Variants in EBF1 observed in about 807,000 individuals in gnomAD.
The protein encoded by EBF1 is EBF transcription factor 1.
Under a neutral mutation model 68.4 loss-of-function variants are expected in EBF1, and 10 were observed. The ratio of observed to expected loss-of-function variants is 0.15; its 90% confidence interval spans 0.09 to 0.25. The LOEUF (loss-of-function observed/expected upper bound fraction) is 0.25, where lower values mean the gene tolerates loss of function less well. EBF1 is among the 10% of genes least tolerant of loss of function. The pLI, the probability that EBF1 is intolerant of heterozygous loss-of-function variation, is 1.00. For synonymous variants in EBF1, 298 were observed against 299.8 expected, an observed-to-expected ratio of 0.99 and a Z score of 0.06; for missense variants, 509 against 794.4, an observed-to-expected ratio of 0.64 and a Z score of 4.32.
chr5:158,967,845 T>C lies in EBF1; in HGVS notation c.554+105551A>G, dbSNP rs551205713. 1.3e-3 allele frequency among the ~76,000 whole-genome samples: 203 copies of C among 152,310 alleles called. 2 individuals carry two copies. The highest frequency in any genetic ancestry group is 4.6e-3 in the African/African-American group (193 of 41,566). On this transcript the variant is annotated intron_variant, in intron 6 of 15. Transcript: ENST00000313708. ...CCTAGGGCAATGATTCAGCCAAAAC[T>C]ACAAAAGGGCTGAAATTTCCCAAAC...
chr5:159,066,966 G>T (rs1391363318), intron 6 of EBF1, among the ~76,000 whole-genome samples: 1 of 152,132 alleles, frequency 6.6e-6, no homozygotes, highest in African/African-American at 2.4e-5. Flanking sequence ...AGAATTAGTG[G>T]TCGATTTCAG....
At chr5:159,054,554 G>C (rs1774406014) in intron 6 of EBF1, among the ~76,000 whole-genome samples, 1 of 152,022 alleles carries the variant, frequency 6.6e-6, no homozygotes, top group Non-Finnish European at 1.5e-5. Flanking sequence ...AATATATACT[G>C]TATTGTCACT....
At chr5:158,888,275 CGTGT>C (rs1047605147) in intron 6 of EBF1, among the ~76,000 whole-genome samples, 10 of 151,328 alleles carry the variant, frequency 6.6e-5, no homozygotes, top group Admixed American at 2.6e-4. Context: ...TGTGTGCGTG[CGTGT>C]GTGTGTGTTT....
chr5:158,954,631 T>C (rs1309722114), intron 6 of EBF1, among the ~76,000 whole-genome samples: 1 of 152,186 alleles, frequency 6.6e-6, no homozygotes, highest in Non-Finnish European at 1.5e-5. Flanking sequence ...AACCTTAACC[T>C]TTCTGTCAAC....
chr5:158,716,376 C>G (rs1396934426), intron 11 of EBF1, among the ~76,000 whole-genome samples: 1 of 152,120 alleles, frequency 6.6e-6, no homozygotes, highest in African/African-American at 2.4e-5. Context: ...ATGCTGCCTT[C>G]TTTGATCCAC....
At chr5:158,711,728 C>G (rs1340112480) in intron 14 of EBF1, among the ~76,000 whole-genome samples, 1 of 151,756 alleles carries the variant, frequency 6.6e-6, no homozygotes, top group African/African-American at 2.4e-5. Context: ...CACTGGAGTG[C>G]AGTGGCACAA....
At chr5:158,828,441 T>G (rs1011768137) in intron 7 of EBF1, among the ~76,000 whole-genome samples, 1 of 151,884 alleles carries the variant, frequency 6.6e-6, no homozygotes, top group African/African-American at 2.4e-5. Context: ...AGAAGGTGAG[T>G]ATGATTACTA....
intron 6 of EBF1, among the ~76,000 whole-genome samples, chr5:158,988,397 G>A (rs1387744047): frequency 6.6e-6 from 1 of 152,134 alleles, no homozygotes; most frequent in Admixed American, 6.5e-5. Context: ...AGGAGTCCAG[G>A]CCTCTGCCAG....
At chr5:158,896,885 C>T (rs1802282867) in intron 6 of EBF1, among the ~76,000 whole-genome samples, 1 of 152,140 alleles carries the variant, frequency 6.6e-6, no homozygotes, top group Admixed American at 6.6e-5. Flanking sequence ...TGCCCACCCA[C>T]CTATCCTATC....
intron 10 of EBF1, among the ~76,000 whole-genome samples, chr5:158,775,250 G>T (rs1173430695): frequency 1.3e-5 from 2 of 151,678 alleles, no homozygotes; most frequent in Non-Finnish European, 2.9e-5. Context: ...AATAATGATG[G>T]ATCCCTAGCT....
At chr5:159,074,807 T>C (rs1561953230) in intron 5 of EBF1, among the ~76,000 whole-genome samples, 1 of 152,326 alleles carries the variant, frequency 6.6e-6, no homozygotes, top group Non-Finnish European at 1.5e-5. Context: ...GTCTACCTTA[T>C]AGCCTTTCAC....
chr5:158,921,718 G>A (rs1419472135), intron 6 of EBF1, among the ~76,000 whole-genome samples: 4 of 152,134 alleles, frequency 2.6e-5, no homozygotes, highest in African/African-American at 7.2e-5. Flanking sequence ...GCGGTTTGTG[G>A]TTGCTTATTT....
chr5:158,714,205 A>G lies in EBF1; in HGVS notation c.1126-23T>C. The G allele has an allele frequency of 1.9e-6, 3 of 1,613,900 alleles. No homozygotes were observed. In the South Asian group the frequency reaches 3.3e-5, roughly 18 times the overall value. ...TTCCTGTCAAGAGAAAAGCAGATAC[A>G]ATCCTTTGAGTGAAGGCAGGTTGTC... On this transcript the variant is annotated intron_variant, in intron 11 of 15. Transcript: ENST00000313708.
At chr5:158,966,086 T>C (rs1754049461) in intron 6 of EBF1, among the ~76,000 whole-genome samples, 1 of 152,220 alleles carries the variant, frequency 6.6e-6, no homozygotes, top group Non-Finnish European at 1.5e-5. Context: ...AAAGTAATCT[T>C]AATTCAGTTA....
At chr5:159,070,021 G>A (rs1452435186) in intron 6 of EBF1, among the ~76,000 whole-genome samples, 1 of 152,090 alleles carries the variant, frequency 6.6e-6, no homozygotes. Context: ...TTCAATAACT[G>A]GAAGTCATTT....
intron 6 of EBF1, among the ~76,000 whole-genome samples, chr5:158,906,655 A>C (rs549440955): frequency 3.3e-5 from 5 of 152,226 alleles, no homozygotes; most frequent in Non-Finnish European, 4.4e-5. Context: ...CATTTTACAC[A>C]TGATGATAAT....
At chr5:158,722,043 A>C (rs1762040288) in intron 11 of EBF1, among the ~76,000 whole-genome samples, 1 of 152,022 alleles carries the variant, frequency 6.6e-6, no homozygotes, top group Admixed American at 6.6e-5. Context: ...ACCTGCTTGG[A>C]GGTACAGAGC....
At chr5:158,718,293 T>C (rs1325652371) in intron 11 of EBF1, among the ~76,000 whole-genome samples, 1 of 152,186 alleles carries the variant, frequency 6.6e-6, no homozygotes, top group Non-Finnish European at 1.5e-5. Context: ...CTACCATCTT[T>C]GTCCAGTCAT....
chr5:159,045,042 T>C (rs1245074984), intron 6 of EBF1, among the ~76,000 whole-genome samples: 1 of 152,212 alleles, frequency 6.6e-6, no homozygotes, highest in Non-Finnish European at 1.5e-5. Context: ...TGAGTGTCTT[T>C]TATTTATGTT....
Sources: gnomAD v4.1 joint callset for allele counts (sites outside exome capture counted in the v4.1 genomes callset) on GRCh38, gnomAD v4.1.1 for gene constraint, MANE v1.5 for transcripts, NCBI Gene and HGNC (gene_info 2026-07-23, HGNC 2026-07-21) for gene names.